Variants in ARL15 observed in about 807,000 individuals in gnomAD.
ARL15 encodes ADP-ribosylation factor-like protein 15.
In ARL15, 19 loss-of-function variants were observed where a neutral mutation model predicts 25.2. The observed-to-expected ratio is 0.75, with a 90% CI of 0.53 to 1.10. The LOEUF (loss-of-function observed/expected upper bound fraction) is 1.10, where lower values mean the gene tolerates loss of function less well. ARL15 is among the 50% of genes least tolerant of loss of function. The probability of loss-of-function intolerance (pLI) is 0.00; values close to 1 mark genes in which losing one functional copy is unlikely to be tolerated. For synonymous variants in ARL15, 94 were observed against 86.8 expected (o/e 1.08, Z -0.46); for missense variants, 220 against 246.0 (o/e 0.89, Z 0.71).
At chr5:54,172,206 G>A (rs1340597142) in intron 1 of ARL15, among the ~76,000 whole-genome samples, 5 of 152,018 alleles carry the variant, frequency 3.3e-5, no homozygotes, top group African/African-American at 1.2e-4. Flanking sequence ...CCCACAGCTT[G>A]CCTGCCAAAA....
chr5:54,004,318 C>A (rs1291166645), intron 4 of ARL15, among the ~76,000 whole-genome samples: 1 of 151,970 alleles, frequency 6.6e-6, no homozygotes, highest in Non-Finnish European at 1.5e-5. Context: ...CATGGTGAAA[C>A]CCCGTCTCTA....
At chr5:54,201,976 C>T (rs1280305892) in intron 1 of ARL15, among the ~76,000 whole-genome samples, 1 of 152,082 alleles carries the variant, frequency 6.6e-6, no homozygotes, top group Non-Finnish European at 1.5e-5. Context: ...GGAATTCCCT[C>T]ACAGCACAAA....
At chr5:54,031,075 A>C (rs117508442) in intron 4 of ARL15, among the ~76,000 whole-genome samples, 1 of 152,192 alleles carries the variant, frequency 6.6e-6, no homozygotes, top group South Asian at 2.1e-4. Context: ...GGTTGGGACA[A>C]GATAAACTCC....
intron 1 of ARL15, among the ~76,000 whole-genome samples, chr5:54,231,408 T>A (rs892296832): frequency 2.0e-5 from 3 of 152,132 alleles, no homozygotes; most frequent in Non-Finnish European, 2.9e-5. Flanking sequence ...CATAACACTC[T>A]TATCTGCACA....
At chr5:54,094,986 G>A (rs1484091838) in intron 4 of ARL15, among the ~76,000 whole-genome samples, 2 of 152,204 alleles carry the variant, frequency 1.3e-5, no homozygotes, top group Non-Finnish European at 2.9e-5. Context: ...CTATATGAAT[G>A]AAAGAAGAAA....
At chr5:53,892,005 TCC>T (rs1744728638) in intron 4 of ARL15, among the ~76,000 whole-genome samples, 1 of 152,178 alleles carries the variant, frequency 6.6e-6, no homozygotes, top group Non-Finnish European at 1.5e-5. Context: ...TACAGGGTTT[TCC>T]CCCATGAGCT....
chr5:54,223,942 A>G (rs1756447171), intron 1 of ARL15, among the ~76,000 whole-genome samples: 1 of 152,110 alleles, frequency 6.6e-6, no homozygotes, highest in South Asian at 2.1e-4. Context: ...CAGCACCTTG[A>G]ATGTTGGCTG....
At chr5:54,265,193 C>T (rs376088253) in intron 1 of ARL15, among the ~76,000 whole-genome samples, 1 of 152,140 alleles carries the variant, frequency 6.6e-6, no homozygotes, top group African/African-American at 2.4e-5. Flanking sequence ...TTGCTGATCC[C>T]TTTCAACATT....
At chr5:54,229,859 G>A (rs372473423) in intron 1 of ARL15, among the ~76,000 whole-genome samples, 3 of 152,168 alleles carry the variant, frequency 2.0e-5, no homozygotes, top group South Asian at 4.1e-4. Flanking sequence ...CTCACTTCCC[G>A]TTCTCCCCTT....
At chr5:53,888,369 G>C (rs1003809682) in intron 4 of ARL15, among the ~76,000 whole-genome samples, 1 of 151,970 alleles carries the variant, frequency 6.6e-6, no homozygotes, top group African/African-American at 2.4e-5. Context: ...CAGCCTTGAC[G>C]TCCCAGGCTT....
chr5:54,213,518 G>T (rs1756101162), intron 1 of ARL15, among the ~76,000 whole-genome samples: 1 of 152,144 alleles, frequency 6.6e-6, no homozygotes, highest in Non-Finnish European at 1.5e-5. Context: ...GGTTCCTTAA[G>T]AAACAGACTT....
intron 1 of ARL15, among the ~76,000 whole-genome samples, chr5:54,199,692 G>T (rs1728245405): frequency 6.6e-6 from 1 of 151,284 alleles, no homozygotes; most frequent in Non-Finnish European, 1.5e-5. Context: ...TTACACTGTT[G>T]GTGGGACTGT....
At chr5:54,294,661 G>A (rs953793902) in intron 1 of ARL15, among the ~76,000 whole-genome samples, 2 of 152,130 alleles carry the variant, frequency 1.3e-5, no homozygotes, top group African/African-American at 2.4e-5. Flanking sequence ...GACCTAAAGC[G>A]ACTATGTTTT....
At chr5:53,958,342 T>C (rs1348927910) in intron 4 of ARL15, among the ~76,000 whole-genome samples, 1 of 152,152 alleles carries the variant, frequency 6.6e-6, no homozygotes, top group Non-Finnish European at 1.5e-5. Context: ...GCTGTTACGT[T>C]GGTATCAAGT....
chr5:54,016,066 TCTGAC>T (rs1749417606), intron 4 of ARL15, among the ~76,000 whole-genome samples: 1 of 152,146 alleles, frequency 6.6e-6, no homozygotes. Context: ...ACTTCAATCA[TCTGAC>T]CTTTCCCTTG....
At chr5:53,930,374 T>C (rs553233966) in intron 4 of ARL15, among the ~76,000 whole-genome samples, 90 of 152,330 alleles carry the variant, frequency 5.9e-4, no homozygotes, top group Non-Finnish European at 1.1e-3. Context: ...TCAGGGCAGC[T>C]TGAATTTGGT....
chr5:54,122,078 C>G (rs879086205), intron 3 of ARL15, among the ~76,000 whole-genome samples: 3 of 152,134 alleles, frequency 2.0e-5, no homozygotes, highest in Admixed American at 2.0e-4. Context: ...TTCTGTAATT[C>G]CTGAGAAAAC....
chr5:53,983,430 G>T (rs984888922), intron 4 of ARL15, among the ~76,000 whole-genome samples: 2 of 152,094 alleles, frequency 1.3e-5, no homozygotes, highest in Non-Finnish European at 2.9e-5. Context: ...TCAGTTTGGG[G>T]ACTCTGGTCT....
chr5:53,902,738 C>A (rs1211371300), intron 4 of ARL15, among the ~76,000 whole-genome samples: 2 of 152,130 alleles, frequency 1.3e-5, no homozygotes, highest in East Asian at 1.9e-4. Flanking sequence ...TGCCAATGGC[C>A]CCGTCCAGAT....
Sources: gnomAD v4.1 joint callset for allele counts (sites outside exome capture counted in the v4.1 genomes callset) on GRCh38, gnomAD v4.1.1 for gene constraint, MANE v1.5 for transcripts, NCBI Gene and HGNC (gene_info 2026-07-23, HGNC 2026-07-21) for gene names.